MAP3K13: variants seen among roughly 807,000 people sequenced by gnomAD.
MAP3K13 encodes the protein mitogen-activated protein kinase kinase kinase 13, also known as leucine zipper-bearing kinase.
In MAP3K13, 52 loss-of-function variants were observed where a neutral mutation model predicts 104.0. The observed-to-expected ratio is 0.50, with a 90% CI of 0.40 to 0.63. The LOEUF (loss-of-function observed/expected upper bound fraction) is 0.63. MAP3K13 is among the 20% of genes least tolerant of loss of function. MAP3K13 has a pLI of 0.00. For missense variants in MAP3K13, 914 were observed against 1,218.5 expected (o/e 0.75, Z 3.72); for synonymous variants, 394 against 442.2 (o/e 0.89, Z 1.37).
chr3:185,335,514 A>C (rs2108712929), intron 2 of MAP3K13, among the ~76,000 whole-genome samples: 1 of 152,256 alleles, frequency 6.6e-6, no homozygotes, highest in African/African-American at 2.4e-5. Flanking sequence ...AGAGTGACTA[A>C]AGGTGCAAAG....
chr3:185,448,261 T>G (rs1483266219), intron 5 of MAP3K13, among the ~76,000 whole-genome samples: 1 of 152,212 alleles, frequency 6.6e-6, no homozygotes, highest in Non-Finnish European at 1.5e-5. Context: ...CTGAAATGTG[T>G]TACATAGTTC....
intron 1 of MAP3K13, among the ~76,000 whole-genome samples, chr3:185,395,359 T>TTCTTTTTTTC (rs1254515342): frequency 7.2e-5 from 4 of 55,824 alleles, no homozygotes; most frequent in Non-Finnish European, 1.3e-4. Context: ...TATTATTTCT[T>TTCTTTTTTTC]TTTTTTTTTT....
intron 2 of MAP3K13, among the ~76,000 whole-genome samples, chr3:185,345,135 T>A (rs1168309368): frequency 6.6e-6 from 1 of 152,220 alleles, no homozygotes; most frequent in Non-Finnish European, 1.5e-5. Flanking sequence ...ATGCTGGGAT[T>A]ATAGGCATGA....
chr3:185,307,312 T>C (rs779430782), intron 2 of MAP3K13, among the ~76,000 whole-genome samples: 2 of 152,104 alleles, frequency 1.3e-5, no homozygotes, highest in Non-Finnish European at 2.9e-5. Flanking sequence ...GATAATCCAG[T>C]TAATGCATAT....
At chr3:185,360,817 GCTTTT>G (rs1183589081), upstream of MAP3K13, among the ~76,000 whole-genome samples, 1 of 112,546 alleles carries the variant, frequency 8.9e-6, no homozygotes, top group Non-Finnish European at 1.8e-5. Context: ...AACAGCTTTA[GCTTTT>G]TTTTTTTTTT....
At chr3:185,377,771 G>C (rs949468481) in intron 1 of MAP3K13, among the ~76,000 whole-genome samples, 2 of 152,228 alleles carry the variant, frequency 1.3e-5, no homozygotes, top group Non-Finnish European at 2.9e-5. Flanking sequence ...GATGGTCCAG[G>C]AGGCTTCCGA....
intron 1 of MAP3K13, among the ~76,000 whole-genome samples, chr3:185,422,851 G>A (rs1015763934): frequency 6.6e-6 from 1 of 152,228 alleles, no homozygotes; most frequent in African/African-American, 2.4e-5. Flanking sequence ...GAGGTGAGCA[G>A]CAGGTGGGTG....
At chr3:185,398,892 C>T (rs1393726937) in intron 1 of MAP3K13, among the ~76,000 whole-genome samples, 4 of 152,290 alleles carry the variant, frequency 2.6e-5, no homozygotes, top group Admixed American at 6.5e-5. Context: ...GTGGTGCCCA[C>T]GTTAGACAGT....
intron 1 of MAP3K13, among the ~76,000 whole-genome samples, chr3:185,377,918 A>G (rs986473232): frequency 3.3e-5 from 5 of 152,110 alleles, no homozygotes; most frequent in African/African-American, 1.2e-4. Flanking sequence ...TCCCGCACAG[A>G]TGGGACATGG....
At chr3:185,370,441 C>G in intron 1 of MAP3K13, among the ~76,000 whole-genome samples, 1 of 141,476 alleles carries the variant, frequency 7.1e-6, no homozygotes, top group East Asian at 2.1e-4. Flanking sequence ...AGTGATCTGC[C>G]TGCCTTGGCC....
intron 1 of MAP3K13, chr3:185,285,441 T>C (rs1239597479): frequency 1.2e-5 from 6 of 490,218 alleles, no homozygotes; most frequent in Non-Finnish European, 1.8e-5. Context: ...GTCTGTGTAG[T>C]ATAACTTTTA....
At chr3:185,451,876 AAAAAAAG>A (rs1426290986) in intron 7 of MAP3K13, among the ~76,000 whole-genome samples, 1 of 151,882 alleles carries the variant, frequency 6.6e-6, no homozygotes, top group East Asian at 1.9e-4. Flanking sequence ...TCAAAAAAAA[AAAAAAAG>A]AAAAAAGAAA....
At chr3:185,424,577 G>A (rs911452046) in intron 1 of MAP3K13, among the ~76,000 whole-genome samples, 11 of 152,182 alleles carry the variant, frequency 7.2e-5, no homozygotes, top group African/African-American at 2.7e-4. Flanking sequence ...CAAGCAAGTT[G>A]TTAAACTTTT....
At chr3:185,465,713 G>C in intron 8 of MAP3K13, 34 bp from the exon 9 acceptor site, 1 of 1,498,588 alleles carries the variant, frequency 6.7e-7, no homozygotes, top group African/African-American at 1.4e-5. Context: ...CCCGAAGTTG[G>C]TTGGCTGGGC....
intron 2 of MAP3K13, among the ~76,000 whole-genome samples, chr3:185,340,029 G>A (rs1306655524): frequency 2.6e-5 from 4 of 151,894 alleles, no homozygotes; most frequent in African/African-American, 4.8e-5. Context: ...TTGGTAAGGG[G>A]TGGAGGGGAG....
At chr3:185,343,577 C>T (rs1470840156) in intron 2 of MAP3K13, among the ~76,000 whole-genome samples, 4 of 152,038 alleles carry the variant, frequency 2.6e-5, no homozygotes, top group Non-Finnish European at 4.4e-5. Flanking sequence ...CTCAGCCTCC[C>T]GAATAGCTGG....
intron 2 of MAP3K13, among the ~76,000 whole-genome samples, chr3:185,298,968 C>T (rs576080951): frequency 6.6e-6 from 1 of 152,296 alleles, no homozygotes; most frequent in East Asian, 1.9e-4. Context: ...TAACACGTTC[C>T]AAACGTGTAA....
intron 2 of MAP3K13, among the ~76,000 whole-genome samples, chr3:185,295,342 T>G (rs1007389930): frequency 6.6e-6 from 1 of 152,094 alleles, no homozygotes; most frequent in Non-Finnish European, 1.5e-5. Flanking sequence ...GTAGCTGGGA[T>G]TATAGGCGCC....
At chr3:185,466,309 T>C (rs973402796) in intron 9 of MAP3K13, among the ~76,000 whole-genome samples, 4 of 151,866 alleles carry the variant, frequency 2.6e-5, no homozygotes, top group African/African-American at 4.8e-5. Flanking sequence ...TGAGTATTAG[T>C]GTCTCAGTGC....
Sources: allele counts gnomAD v4.1 joint callset (sites outside exome capture counted in the v4.1 genomes callset), GRCh38; gene constraint gnomAD v4.1.1; transcripts MANE v1.5; gene names NCBI Gene and HGNC (gene_info 2026-07-23, HGNC 2026-07-21).